Variants in MYO9B observed in about 807,000 individuals in gnomAD.
The protein encoded by MYO9B is unconventional myosin-IXb.
MYO9B carries 71 observed loss-of-function variants against 229.5 expected under a neutral mutation model. The ratio of observed to expected loss-of-function variants is 0.31; its 90% CI spans 0.26 to 0.38. MYO9B has a LOEUF of 0.38. Ranked by LOEUF, MYO9B falls within the 10% of genes least tolerant of loss-of-function variation. The probability of loss-of-function intolerance (pLI) is 1.00; values close to 1 mark genes in which losing one functional copy is unlikely to be tolerated. For synonymous variants in MYO9B, 1,185 were observed against 1,235.8 expected, an observed-to-expected ratio of 0.96 and a Z score of 0.86; for missense variants, 2,255 against 2,920.5, an observed-to-expected ratio of 0.77 and a Z score of 5.25.
intron 2 of MYO9B, among the ~76,000 whole-genome samples, chr19:17,133,253 C>T (rs1455985179): frequency 2.6e-5 from 4 of 152,102 alleles, no homozygotes. Context: ...TTAACGTACG[C>T]GTTACCTGAC....
At chr19:17,146,945 A>G (rs898717797) in intron 3 of MYO9B, among the ~76,000 whole-genome samples, 1 of 152,248 alleles carries the variant, frequency 6.6e-6, no homozygotes, top group Admixed American at 6.5e-5. Flanking sequence ...TATTCAAGAT[A>G]CAAACAGGCA....
At chr19:17,166,514 T>C (rs1240111867) in intron 10 of MYO9B, among the ~76,000 whole-genome samples, 1 of 152,090 alleles carries the variant, frequency 6.6e-6, no homozygotes, top group Non-Finnish European at 1.5e-5. Context: ...TTTTTTTCAC[T>C]TTGAAGTTCA....
chr19:17,082,100 TA>T (rs2123433593), intron 1 of MYO9B, among the ~76,000 whole-genome samples: 1 of 152,318 alleles, frequency 6.6e-6, no homozygotes, highest in South Asian at 2.1e-4. Flanking sequence ...TGGAAGGTCT[TA>T]AAATCCTTCA....
At chr19:17,156,201 T>A (rs1462805381) in intron 6 of MYO9B, among the ~76,000 whole-genome samples, 1 of 152,028 alleles carries the variant, frequency 6.6e-6, no homozygotes, top group Non-Finnish European at 1.5e-5. Context: ...ATGTTCTATT[T>A]CTTGGTCTGG....
chr19:17,097,696 C>G (rs1359161018), intron 1 of MYO9B, among the ~76,000 whole-genome samples: 2 of 152,160 alleles, frequency 1.3e-5, no homozygotes, highest in African/African-American at 4.8e-5. Flanking sequence ...TTCTTTCAGC[C>G]TCAGCCCTTC....
At chr19:17,180,060 C>T (rs566511149) in intron 14 of MYO9B, among the ~76,000 whole-genome samples, 90 of 151,476 alleles carry the variant, frequency 5.9e-4, no homozygotes, top group Middle Eastern at 3.4e-3. Context: ...TGATGAAACC[C>T]CATCTCTACT....
intron 2 of MYO9B, among the ~76,000 whole-genome samples, chr19:17,121,758 G>A (rs373182773): frequency 6.6e-6 from 1 of 152,226 alleles, no homozygotes; most frequent in African/African-American, 2.4e-5. Context: ...GGCTGAGGCG[G>A]TTGGATTGCT....
chr19:17,125,309 C>CCCCCCG (rs879861138), intron 2 of MYO9B, among the ~76,000 whole-genome samples: 8 of 120,862 alleles, frequency 6.6e-5, no homozygotes, highest in African/African-American at 2.0e-4. Context: ...CCCCCCCCCC[C>CCCCCCG]AAAAAAAGGG....
Position 17,101,682 on chromosome 19 carries a change from G to T in MYO9B, c.-36G>T, listed in dbSNP as rs547152635. 5 of 1,524,734 alleles carry T rather than the reference G, an allele frequency of 3.3e-6. No homozygotes were observed. Among genetic ancestry groups the T allele is most frequent in the African/African-American group, 2.8e-5 (2 of 72,568 alleles). 94.5% of individuals were successfully genotyped at this position (1,524,734 alleles called of 1,614,324 possible). The stretch of plus-strand genomic sequence containing the variant: ...TAGCTCCAGGACACGCGCGCCCCGA[G>T]CCTGGGAGGCATGCTGAAGCCAGGC... On this transcript the variant is annotated 5_prime_UTR_variant, in exon 2 of 40. Transcript: ENST00000682292. The surrounding 1 kb of genome is among the most constrained non-coding windows in gnomAD (Gnocchi z 4.7).
chr19:17,101,532 G>A lies in MYO9B; in HGVS notation c.-58-128G>A. On this transcript the variant is annotated intron_variant, in intron 1 of 39. Transcript: ENST00000682292. This position sits in a 1 kb window ranked among gnomAD's most constrained non-coding sequence, Gnocchi z 4.7. ...GTGACTGGTTGCCTCTGGCTTTTTG[G>A]GCGAGCCTAGTCGGGTGGGGAACTC... 1.1e-6 allele frequency: 1 copy of A among 940,020 alleles called. No individual in the cohort carries two copies. Among genetic ancestry groups the A allele is most frequent in the Non-Finnish European group, 1.5e-6 (1 of 653,380 alleles). 58.2% of individuals were successfully genotyped at this position (940,020 alleles called of 1,614,324 possible).
intron 15 of MYO9B, among the ~76,000 whole-genome samples, chr19:17,181,429 A>G (rs76360944): frequency 0.073 from 11,052 of 152,308 alleles, 776 homozygotes; most frequent in African/African-American, 0.18. Flanking sequence ...GCGATTTCCC[A>G]GAGAGGGTGG....
At chr19:17,201,378 G>T (rs1397854778) in intron 26 of MYO9B, among the ~76,000 whole-genome samples, 1 of 152,162 alleles carries the variant, frequency 6.6e-6, no homozygotes, top group Admixed American at 6.5e-5. Context: ...GCAGCAGATA[G>T]AGCTACATTT....
chr19:17,184,054 A>G, intron 16 of MYO9B, 186 bp downstream of exon 16: 1 of 636,922 alleles, frequency 1.6e-6, no homozygotes, highest in East Asian at 2.8e-5. Flanking sequence ...GTTTCCCAGA[A>G]GCAGGGTCTG....
chr19:17,097,634 C>T (rs2057705475), intron 1 of MYO9B, among the ~76,000 whole-genome samples: 3 of 152,124 alleles, frequency 2.0e-5, no homozygotes, highest in South Asian at 2.1e-4. Flanking sequence ...TCTTCCCTGT[C>T]GCCACTCCCT....
chr19:17,076,049 G>A (rs1340078627), intron 1 of MYO9B, among the ~76,000 whole-genome samples, 175 bp downstream of exon 1: 2 of 151,938 alleles, frequency 1.3e-5, no homozygotes, highest in Admixed American at 6.6e-5. Flanking sequence ...GAAGCGAGAC[G>A]GTGAAGGAGA....
intron 16 of MYO9B, 125 bp downstream of exon 16, chr19:17,183,993 GAA>G: frequency 1.2e-5 from 10 of 857,478 alleles, no homozygotes; most frequent in South Asian, 3.6e-5. Context: ...CTCCCTCCAA[GAA>G]AAAAAAAATG....
intron 2 of MYO9B, among the ~76,000 whole-genome samples, chr19:17,124,948 TC>T (rs1282770431): frequency 6.6e-6 from 1 of 151,964 alleles, no homozygotes; most frequent in African/African-American, 2.4e-5. Flanking sequence ...TCATGTCCTA[TC>T]TCAAGCTGAG....
chr19:17,160,687 T>A (rs1456523239), intron 8 of MYO9B, among the ~76,000 whole-genome samples: 1 of 150,962 alleles, frequency 6.6e-6, no homozygotes, highest in African/African-American at 2.4e-5. Context: ...TTTTTTGCAT[T>A]TTTATTTATT....
intron 14 of MYO9B, among the ~76,000 whole-genome samples, chr19:17,177,023 A>G (rs1427349336): frequency 1.3e-5 from 2 of 152,038 alleles, no homozygotes; most frequent in Non-Finnish European, 2.9e-5. Context: ...CAACATGGTG[A>G]AACCTCGTCT....
Sources: gnomAD v4.1 joint callset for allele counts (sites outside exome capture counted in the v4.1 genomes callset) on GRCh38, gnomAD v4.1.1 for gene constraint, Gnocchi (gnomAD v3.1) non-coding constraint, MANE v1.5 for transcripts, NCBI Gene and HGNC (gene_info 2026-07-23, HGNC 2026-07-21) for gene names.